CNMD: variants seen among roughly 807,000 people sequenced by gnomAD.
CNMD encodes the protein leukocyte cell-derived chemotaxin 1.
A neutral mutation model predicts 37.5 loss-of-function variants in CNMD; 30 were observed. That is an observed-to-expected ratio of 0.80 (90% confidence interval 0.60 to 1.09). The LOEUF (loss-of-function observed/expected upper bound fraction) is 1.09. CNMD is among the 50% of genes least tolerant of loss of function. The pLI is 0.00. For missense variants in CNMD, 398 were observed against 423.9 expected (o/e 0.94, Z 0.54); for synonymous variants, 167 against 148.2 (o/e 1.13, Z -0.92).
intron 2 of CNMD, among the ~76,000 whole-genome samples, chr13:52,738,324 C>T (rs1214360401): frequency 1.3e-5 from 2 of 152,214 alleles, no homozygotes; most frequent in Non-Finnish European, 2.9e-5. Context: ...AGTCTTTATA[C>T]TCCTCGAGAG....
chr13:52,726,622 A>C (rs1157716598), intron 3 of CNMD, among the ~76,000 whole-genome samples: 2 of 152,214 alleles, frequency 1.3e-5, no homozygotes, highest in Non-Finnish European at 2.9e-5. Context: ...CAAATTTAAA[A>C]AACTGTAATA....
intron 2 of CNMD, among the ~76,000 whole-genome samples, chr13:52,738,674 C>A (rs1964817260): frequency 1.3e-5 from 2 of 152,100 alleles, no homozygotes; most frequent in Admixed American, 1.3e-4. Flanking sequence ...TAGAGATCGT[C>A]CAGTTCCATT....
intron 6 of CNMD, among the ~76,000 whole-genome samples, chr13:52,707,179 C>A: frequency 6.6e-6 from 1 of 152,178 alleles, no homozygotes; most frequent in Non-Finnish European, 1.5e-5. Context: ...CAAGTGTGAG[C>A]CACCGCGCCC....
At chr13:52,717,962 C>T (rs1281332336) in intron 4 of CNMD, among the ~76,000 whole-genome samples, 3 of 152,104 alleles carry the variant, frequency 2.0e-5, no homozygotes, top group African/African-American at 2.4e-5. Flanking sequence ...GCTGTGAATC[C>T]GTCTGGTCCT....
chr13:52,733,697 G>C (rs369305120), intron 2 of CNMD, among the ~76,000 whole-genome samples: 47 of 152,346 alleles, frequency 3.1e-4, no homozygotes, highest in African/African-American at 1.1e-3. Context: ...ATCAGAAGCT[G>C]TGGGAAGGGC....
chr13:52,738,931 CCGCCGGCAGCCGCGCGCCCCT>C (rs1964825187), intron 2 of CNMD, 79 bp downstream of exon 2: 1 of 1,190,948 alleles, frequency 8.4e-7, no homozygotes, highest in Non-Finnish European at 1.1e-6. Flanking sequence ...CCCGAGGGGC[CCGCCGGCAGCCGCGCGCCCCT>C]CGCCGGCCCG....
intron 4 of CNMD, among the ~76,000 whole-genome samples, chr13:52,714,377 A>C (rs542780224): frequency 6.6e-6 from 1 of 152,212 alleles, no homozygotes; most frequent in South Asian, 2.1e-4. Context: ...ACAGCCAAAC[A>C]TATTCCTAAT....
intron 4 of CNMD, 123 bp from the exon 5 acceptor site, chr13:52,712,992 G>T (rs1464225268): frequency 3.2e-6 from 2 of 618,610 alleles, no homozygotes; most frequent in Admixed American, 3.5e-5. Context: ...GAGCATGCGT[G>T]TGTACATGTG....
chr13:52,727,108 C>CA (rs1329164869), intron 3 of CNMD, among the ~76,000 whole-genome samples: 2 of 151,644 alleles, frequency 1.3e-5, no homozygotes, highest in Non-Finnish European at 2.9e-5. Context: ...ACTAAAAATA[C>CA]AAAAAAATAA....
chr13:52,731,256 G>A (rs1036285983), intron 3 of CNMD, among the ~76,000 whole-genome samples: 13 of 152,174 alleles, frequency 8.5e-5, no homozygotes, highest in African/African-American at 2.7e-4. Context: ...CTGTGTGTAC[G>A]TCTGCCTCCT....
chr13:52,710,133 G>A lies in CNMD; in HGVS notation c.623-1431C>T, dbSNP rs79588355. Among the ~76,000 whole-genome samples, 116 of 152,268 alleles carry A rather than the reference G, an allele frequency of 7.6e-4. No homozygotes were observed. In the East Asian group the frequency reaches 0.022, roughly 29 times the overall value. On this transcript the variant is annotated intron_variant, in intron 5 of 6. Coordinates refer to ENST00000377962, the MANE Select transcript of CNMD (RefSeq NM_007015.3). ...TTAAGCAGTGTGTTGCATATAATAA[G>A]CACTGAACTATTAGGTGATGAGGAT...
At chr13:52,722,261 G>T (rs1360194860) in intron 4 of CNMD, among the ~76,000 whole-genome samples, 2 of 152,140 alleles carry the variant, frequency 1.3e-5, no homozygotes, top group Non-Finnish European at 2.9e-5. Context: ...AAACTCACGG[G>T]TTTGTTTTTT....
chr13:52,712,981 C>T lies in CNMD; in HGVS notation c.469-112G>A, dbSNP rs937467190. 58 of 761,492 alleles carry T rather than the reference C, an allele frequency of 7.6e-5. No homozygotes were observed. The Middle Eastern group carries it at 1.1e-3, about 15-fold the overall frequency. The allele number at this position is 761,492 out of a possible 1,614,324, so 47.2% of individuals were successfully genotyped here. On this transcript the variant is annotated intron_variant, in intron 4 of 6. Coordinates refer to ENST00000377962, the MANE Select transcript of CNMD (RefSeq NM_007015.3). Reference sequence around the variant, plus strand: ...CCTTATAAAAAATTAATGAGAATTCCGAGCATGCGTGTGTACATGTGTGCA... The same window carrying T: ...CCTTATAAAAAATTAATGAGAATTCTGAGCATGCGTGTGTACATGTGTGCA...
intron 4 of CNMD, among the ~76,000 whole-genome samples, chr13:52,722,789 A>G (rs1311824803): frequency 6.6e-6 from 1 of 152,248 alleles, no homozygotes; most frequent in African/African-American, 2.4e-5. Flanking sequence ...TATTAATAAT[A>G]AATGAAAGAA....
At chr13:52,713,374 G>C (rs1964322819) in intron 4 of CNMD, among the ~76,000 whole-genome samples, 1 of 152,132 alleles carries the variant, frequency 6.6e-6, no homozygotes, top group Admixed American at 6.5e-5. Context: ...CCACTTCCCA[G>C]CTATAACAAC....
chr13:52,729,684 T>C (rs1964630731), intron 3 of CNMD, among the ~76,000 whole-genome samples: 3 of 152,206 alleles, frequency 2.0e-5, no homozygotes, highest in Admixed American at 2.0e-4. Flanking sequence ...CTTTACCTTA[T>C]AGTTGGAGGC....
At chr13:52,720,682 T>C (rs566579862) in intron 4 of CNMD, among the ~76,000 whole-genome samples, 5 of 152,286 alleles carry the variant, frequency 3.3e-5, no homozygotes, top group African/African-American at 1.2e-4. Flanking sequence ...GGAAGCTTTG[T>C]CCCAGAGGGG....
chr13:52,708,781 A>G, intron 5 of CNMD, 79 bp from the exon 6 acceptor site: 1 of 1,220,298 alleles, frequency 8.2e-7, no homozygotes, highest in African/African-American at 1.5e-5. Context: ...GGTGAAAAAC[A>G]TAAGAAAAGG....
Position 52,733,304 on chromosome 13 carries a change from A to G in CNMD, c.269T>C (p.Met90Thr), listed in dbSNP as rs139223022. ...CAAGTTGTTCCCAGCGTCTATTTCC[A>G]TTGACCCATCTTGTAATTTCCCATT... is the stretch of plus-strand genomic sequence containing the variant. ...SINGKLQDGSMEIDAGNNLET... is the reference protein window; with the variant it reads ...SINGKLQDGSTEIDAGNNLET... The change falls in exon 3 of 7, where the codon ATG (methionine) becomes ACG (threonine). Residue 90 changes from methionine (M) to threonine (T), a missense_variant. Coordinates refer to ENST00000377962, the MANE Select transcript of CNMD (RefSeq NM_007015.3). The G allele has an allele frequency of 1.2e-6, 2 of 1,613,772 alleles. No individual in the cohort carries two copies. Among genetic ancestry groups the G allele is most frequent in the African/African-American group, 2.7e-5 (2 of 74,936 alleles).
Sources: allele counts gnomAD v4.1 joint callset (sites outside exome capture counted in the v4.1 genomes callset), GRCh38; gene constraint gnomAD v4.1.1; transcripts MANE v1.5; gene names NCBI Gene and HGNC (gene_info 2026-07-23, HGNC 2026-07-21).